LMF1: variants seen among roughly 807,000 people sequenced by gnomAD.
LMF1 encodes transmembrane protein 112.
In LMF1, 68 loss-of-function variants were observed where a neutral mutation model predicts 60.6. That is an observed-to-expected ratio of 1.12 (90% CI 0.92 to 1.37). The LOEUF (loss-of-function observed/expected upper bound fraction) is 1.37, where lower values mean the gene tolerates loss of function less well. LMF1 is among the 40% of genes most tolerant of loss of function. The pLI is 0.00. For missense variants in LMF1, 948 were observed against 767.2 expected, an observed-to-expected ratio of 1.24 and a Z score of -2.78; for synonymous variants, 418 against 324.7, an observed-to-expected ratio of 1.29 and a Z score of -3.09.
chr16:896,633 G>A (rs1004542447), intron 4 of LMF1, among the ~76,000 whole-genome samples: 2 of 152,176 alleles, frequency 1.3e-5, no homozygotes, highest in African/African-American at 4.8e-5. Flanking sequence ...ACACCCAGGG[G>A]AGCTGCTGCT....
chr16:862,426 G>T (rs776443922), intron 10 of LMF1, among the ~76,000 whole-genome samples: 4 of 152,142 alleles, frequency 2.6e-5, no homozygotes, highest in Non-Finnish European at 5.9e-5. Flanking sequence ...TTACAAGTGT[G>T]AGCCATTGTG....
At position 976,789 on chromosome 16, in the gene LMF1, G is replaced by A. The variant is rs540833557; in HGVS notation, c.-135+4356C>T. The A allele has an allele frequency of 5.5e-5, 25 of 454,134 alleles. No individual in the cohort carries two copies. The Admixed American group carries it at 5.6e-4, about 10-fold the overall frequency. The allele number at this position is 454,134 out of a possible 1,614,324, so 28.1% of individuals were successfully genotyped here. A position where few individuals can be genotyped will look rare whatever the true frequency, so the allele number is the denominator to read the frequency against. ...ATCTGGGCGTGCACCTGTCACTGGG[G>A]AGAGAGCAGTGCTGGTCTCCACGCT... On this transcript the variant is annotated intron_variant, in intron 1 of 6. Transcript: ENST00000570014.
chr16:893,917 C>T (rs75966394), intron 4 of LMF1, among the ~76,000 whole-genome samples: 1,926 of 152,144 alleles, frequency 0.013, 42 homozygotes, highest in African/African-American at 0.044. Flanking sequence ...AAGTGAGTCC[C>T]GCCTCCTCCA....
At chr16:960,201 C>A (rs986466253) in intron 1 of LMF1, among the ~76,000 whole-genome samples, 1 of 152,152 alleles carries the variant, frequency 6.6e-6, no homozygotes, top group African/African-American at 2.4e-5. Context: ...AGCATCCCTG[C>A]GGGGAAGGAG....
chr16:856,904 A>G (rs1238777011), intron 10 of LMF1, among the ~76,000 whole-genome samples: 1 of 152,226 alleles, frequency 6.6e-6, no homozygotes, highest in East Asian at 1.9e-4. Context: ...AGGGCCTGAC[A>G]CTGAGGCCAC....
chr16:960,151 C>T (rs2072793475), intron 1 of LMF1, among the ~76,000 whole-genome samples: 1 of 152,210 alleles, frequency 6.6e-6, no homozygotes. Context: ...GGAAACAACT[C>T]ATTCTAGGGC....
chr16:931,312 C>T (rs552409973), intron 3 of LMF1, among the ~76,000 whole-genome samples: 59 of 152,370 alleles, frequency 3.9e-4, no homozygotes, highest in Non-Finnish European at 6.8e-4. Context: ...CACCTAGAGC[C>T]GGCTGGCTGC....
chr16:869,628 G>C (rs1051756662), intron 9 of LMF1: 1 of 656,134 alleles, frequency 1.5e-6, no homozygotes, highest in African/African-American at 1.8e-5. Flanking sequence ...TATGGCACCC[G>C]GGCTGGGATT....
At chr16:973,371 G>C, upstream of LMF1, among the ~76,000 whole-genome samples, 1 of 152,076 alleles carries the variant, frequency 6.6e-6, no homozygotes, top group Non-Finnish European at 1.5e-5. Flanking sequence ...AAATAAAAAG[G>C]AATCCAGTTC....
chr16:907,293 C>T (rs542982694), intron 4 of LMF1, among the ~76,000 whole-genome samples: 15 of 151,834 alleles, frequency 9.9e-5, no homozygotes, highest in African/African-American at 2.2e-4. Flanking sequence ...CCCAGCTACT[C>T]GGGAGGCTGA....
intron 3 of LMF1, among the ~76,000 whole-genome samples, chr16:914,325 G>C (rs2071207955): frequency 6.6e-6 from 1 of 152,118 alleles, no homozygotes; most frequent in East Asian, 1.9e-4. Flanking sequence ...TGACCCAAAT[G>C]GGGAGAAGGC....
chr16:877,056 G>C (rs1177091792), intron 6 of LMF1, among the ~76,000 whole-genome samples: 1 of 152,192 alleles, frequency 6.6e-6, no homozygotes, highest in African/African-American at 2.4e-5. Flanking sequence ...CACAGGCCTT[G>C]AGGCCGGGCG....
intron 5 of LMF1, among the ~76,000 whole-genome samples, chr16:889,929 C>T (rs2070430020): frequency 6.6e-6 from 1 of 152,202 alleles, no homozygotes; most frequent in African/African-American, 2.4e-5. Context: ...GACCCCTCTG[C>T]CTCATGGCTG....
At chr16:860,222 T>C (rs2069417830) in intron 10 of LMF1, among the ~76,000 whole-genome samples, 1 of 152,126 alleles carries the variant, frequency 6.6e-6, no homozygotes, top group East Asian at 1.9e-4. Flanking sequence ...GGTCTTTTTA[T>C]GGAGCAAATG....
At chr16:877,788 A>AC (rs149494091) in intron 6 of LMF1, among the ~76,000 whole-genome samples, 4,118 of 152,238 alleles carry the variant, frequency 0.027, 182 homozygotes, top group African/African-American at 0.095. Flanking sequence ...TCCCTAGATC[A>AC]CCCACAGGAC....
At chr16:943,370 C>CAA (rs34995293) in intron 2 of LMF1, among the ~76,000 whole-genome samples, 7 of 97,054 alleles carry the variant, frequency 7.2e-5, no homozygotes, top group Non-Finnish European at 8.6e-5. Flanking sequence ...GACTCCATCT[C>CAA]AAAAAAAAAA....
At chr16:868,860 G>T (rs912488045) in intron 10 of LMF1, 84 bp downstream of exon 10, 7 of 876,934 alleles carry the variant, frequency 8.0e-6, no homozygotes, top group Admixed American at 3.5e-5. Context: ...TGAGCAGGTG[G>T]GGGTGCAGGT....
intron 10 of LMF1, among the ~76,000 whole-genome samples, chr16:861,507 G>A (rs1041925570): frequency 2.0e-5 from 3 of 151,848 alleles, no homozygotes; most frequent in Non-Finnish European, 2.9e-5. Context: ...ACAGGCATGC[G>A]TCACCACACC....
chr16:935,250 C>T (rs1270117207), intron 2 of LMF1, among the ~76,000 whole-genome samples: 2 of 152,110 alleles, frequency 1.3e-5, no homozygotes, highest in Non-Finnish European at 2.9e-5. Flanking sequence ...CAGGTGTACA[C>T]CATGATGCCC....
Sources: allele counts gnomAD v4.1 joint callset (sites outside exome capture counted in the v4.1 genomes callset), GRCh38; gene constraint gnomAD v4.1.1; transcripts MANE v1.5; gene names NCBI Gene and HGNC (gene_info 2026-07-23, HGNC 2026-07-21).